Variants in GLS observed in about 807,000 individuals in gnomAD.
GLS encodes the protein glutaminase kidney isoform, mitochondrial.
Under a neutral mutation model 86.7 loss-of-function variants are expected in GLS, and 36 were observed. That is an observed-to-expected ratio of 0.42 (90% CI 0.32 to 0.55). The LOEUF is 0.55. Ranked by LOEUF, GLS falls within the 20% of genes least tolerant of loss-of-function variation. The pLI, the probability that GLS is intolerant of heterozygous loss-of-function variation, is 0.17. For synonymous variants in GLS, 317 were observed against 305.9 expected (o/e 1.04, Z -0.38); for missense variants, 528 against 833.4 (o/e 0.63, Z 4.51).
rs963103263 is a variant in GLS at position 190,956,203 on chromosome 2, A to G, written c.1853+1385A>G. Reference sequence around the variant, plus strand: ...GGTCATGAAGTCTTTGCCCATGCCTATGTCCTGAATGGTATTGCCTAGGTT... The same window carrying G: ...GGTCATGAAGTCTTTGCCCATGCCTGTGTCCTGAATGGTATTGCCTAGGTT... On this transcript the variant is annotated intron_variant, in intron 17 of 17. Transcript: ENST00000320717. This position sits in a 1 kb window ranked among gnomAD's most constrained non-coding sequence, Gnocchi z 4.2. 3.3e-5 allele frequency among the ~76,000 whole-genome samples: 5 copies of G among 152,254 alleles called. No homozygotes were observed. The highest frequency in any genetic ancestry group is 4.1e-4 in the South Asian group (2 of 4,826).
At chr2:190,915,054 C>T (rs1024812751) in intron 7 of GLS, among the ~76,000 whole-genome samples, 1 of 151,154 alleles carries the variant, frequency 6.6e-6, no homozygotes, top group Non-Finnish European at 1.5e-5. Context: ...TCTTGCTTGT[C>T]GCCCAGGCTG....
intron 17 of GLS, among the ~76,000 whole-genome samples, chr2:190,961,439 C>T (rs1393369572): frequency 6.6e-6 from 1 of 152,218 alleles, no homozygotes; most frequent in African/African-American, 2.4e-5. Flanking sequence ...TCAAGTGGTG[C>T]ACCCACCTTG....
intron 14 of GLS, among the ~76,000 whole-genome samples, chr2:190,944,755 T>TA (rs111422528): frequency 0.015 from 2,232 of 152,334 alleles, 56 homozygotes; most frequent in African/African-American, 0.049. Context: ...GTAACAGTCA[T>TA]ATTTGCTTTT....
chr2:190,929,060 A>G (rs1409947008), intron 12 of GLS, among the ~76,000 whole-genome samples: 1 of 151,564 alleles, frequency 6.6e-6, no homozygotes, highest in Non-Finnish European at 1.5e-5. Context: ...ATCTCGGCTC[A>G]CTGCAACCTC....
chr2:190,909,737 A>G (rs1273865458), intron 6 of GLS, among the ~76,000 whole-genome samples: 1 of 152,236 alleles, frequency 6.6e-6, no homozygotes, highest in Non-Finnish European at 1.5e-5. Flanking sequence ...GGAAATACAG[A>G]AAGCCTAAAA....
intron 7 of GLS, among the ~76,000 whole-genome samples, chr2:190,915,675 A>G (rs879593836): frequency 1.3e-5 from 2 of 152,108 alleles, no homozygotes; most frequent in African/African-American, 2.4e-5. Flanking sequence ...GTGTCCTCCT[A>G]TTTTCCAAAA....
chr2:190,894,518 G>A (rs1688664723), intron 1 of GLS, among the ~76,000 whole-genome samples: 1 of 152,104 alleles, frequency 6.6e-6, no homozygotes, highest in Non-Finnish European at 1.5e-5. Context: ...AATGTATTGA[G>A]TCAACTGATC....
At position 190,928,892 on chromosome 2, in the gene GLS, GTT is replaced by G. The variant is rs367999647; in HGVS notation, c.1425+1433_1425+1434del. Among the ~76,000 whole-genome samples the G allele has an allele frequency of 4.6e-3, 59 of 12,820 alleles. 1 individual carries two copies. The highest frequency in any genetic ancestry group is 0.01 in the African/African-American group (33 of 3,216). The allele number at this position is 12,820 out of a possible 152,430, so 8.4% of individuals were successfully genotyped here. ...AAATTTGTAGATCCAATTCAGGTGT[GTT>G]TTTTTTTTTTTTTTTTTTTTTTGGT... is the stretch of plus-strand genomic sequence containing the variant. On this transcript the variant is annotated intron_variant, in intron 12 of 17. Coordinates refer to ENST00000320717, the MANE Select transcript of GLS (RefSeq NM_014905.5).
intron 5 of GLS, among the ~76,000 whole-genome samples, chr2:190,903,068 T>C (rs1689004233): frequency 6.6e-6 from 1 of 152,254 alleles, no homozygotes; most frequent in African/African-American, 2.4e-5. Context: ...TGATCTTTTA[T>C]GTTGCCCAGG....
chr2:190,881,228 G>T lies in GLS; in HGVS notation c.144G>T (p.Pro48=), dbSNP rs1688153131. 1.6e-6 allele frequency: 2 copies of T among 1,246,778 alleles called. No individual in the cohort carries two copies. The highest frequency in any genetic ancestry group is 1.6e-5 in the African/African-American group (1 of 63,862). The allele number at this position is 1,246,778 out of a possible 1,614,324, so 77.2% of individuals were successfully genotyped here. A position where few individuals can be genotyped will look rare whatever the true frequency, so the allele number is the denominator to read the frequency against. The change falls in exon 1 of 18, where the codon CCG becomes CCT. Residue 48 remains proline (P), a synonymous_variant. Coordinates refer to ENST00000320717, the MANE Select transcript of GLS (RefSeq NM_014905.5). ...PRGGGRPAAG[P]AAAARLHPWW... ...GCGGGGGACGGCCGGCCGCGGGCCCGGCTGCCGCCGCGCGACTCCACCCGT... is the reference window on the plus strand; with the variant it reads ...GCGGGGGACGGCCGGCCGCGGGCCCTGCTGCCGCCGCGCGACTCCACCCGT...
At chr2:190,942,486 T>C (rs1401795976) in intron 14 of GLS, among the ~76,000 whole-genome samples, 1 of 152,118 alleles carries the variant, frequency 6.6e-6, no homozygotes, top group East Asian at 1.9e-4. Flanking sequence ...GGACTCGAGA[T>C]GTGTTGGTGG....
intron 12 of GLS, among the ~76,000 whole-genome samples, chr2:190,927,972 C>G (rs1465721523): frequency 1.3e-5 from 2 of 152,022 alleles, no homozygotes; most frequent in Non-Finnish European, 2.9e-5. Flanking sequence ...TTTCATTCTG[C>G]TCATGTCAAG....
chr2:190,945,431 C>T (rs1175972979), intron 14 of GLS, among the ~76,000 whole-genome samples: 1 of 151,794 alleles, frequency 6.6e-6, no homozygotes, highest in Non-Finnish European at 1.5e-5. Context: ...GGGAGGGTGT[C>T]AGGAGGATTG....
intron 9 of GLS, 43 bp from the exon 10 acceptor site, chr2:190,923,874 T>C: frequency 3.4e-6 from 4 of 1,186,524 alleles, no homozygotes; most frequent in Middle Eastern, 1.9e-4. Context: ...ATCACACTTT[T>C]AAAGAAAGTA....
intron 12 of GLS, among the ~76,000 whole-genome samples, chr2:190,929,717 A>G (rs781402302): frequency 5.3e-5 from 8 of 151,930 alleles, no homozygotes; most frequent in Non-Finnish European, 1.0e-4. Context: ...TGATCTGCCC[A>G]CCTCGGCCTC....
At position 190,965,226 on chromosome 2, in the gene GLS, A is replaced by ACAT. The variant is rs1461487125; in HGVS notation, c.*2241_*2243dup. The ACAT allele has an allele frequency of 4.6e-5, 7 of 152,570 alleles. No individual in the cohort carries two copies. The highest frequency in any genetic ancestry group is 1.0e-4 in the Non-Finnish European group (7 of 68,034). The allele number at this position is 152,570 out of a possible 1,614,324, so 9.5% of individuals were successfully genotyped here. On this transcript the variant is annotated 3_prime_UTR_variant, in exon 18 of 18. Transcript: ENST00000320717. This position sits in a 1 kb window ranked among gnomAD's most constrained non-coding sequence, Gnocchi z 5.0. ...ATCATGTTAATTTAAAGCTTTATAC[A>ACAT]CATTGTTGTTTTTGCTGGTCTCATC...
chr2:190,886,385 C>T (rs148051012), intron 1 of GLS, among the ~76,000 whole-genome samples: 8 of 152,250 alleles, frequency 5.3e-5, no homozygotes, highest in Admixed American at 3.9e-4. Context: ...GGGGTTTAGT[C>T]TCCTGGACTT....
At position 190,954,748 on chromosome 2, in the gene GLS, G is replaced by A. The variant is rs1459325233; in HGVS notation, c.1790-7G>A. On this transcript the variant is annotated splice_region_variant and splice_polypyrimidine_tract_variant and intron_variant, in intron 16 of 17. Coordinates refer to ENST00000320717, the MANE Select transcript of GLS (RefSeq NM_014905.5). This position sits in a 1 kb window ranked among gnomAD's most constrained non-coding sequence, Gnocchi z 4.0. Reference sequence around the variant, plus strand: ...TCTGCTCTTTTTTTGGGGGTGGGACGGTATAGGTCATGTTGAAGTTGTTAA... The same window carrying A: ...TCTGCTCTTTTTTTGGGGGTGGGACAGTATAGGTCATGTTGAAGTTGTTAA... 2 of 1,613,740 alleles carry A rather than the reference G, an allele frequency of 1.2e-6. No homozygotes were observed. The highest frequency in any genetic ancestry group is 2.2e-5 in the East Asian group (1 of 44,854).
Position 190,881,130 on chromosome 2 carries a change from C to T in GLS, c.46C>T (p.Arg16Trp), listed in dbSNP as rs776548974. 8 of 1,557,798 alleles carry T rather than the reference C, an allele frequency of 5.1e-6. No homozygotes were observed. Among genetic ancestry groups the T allele is most frequent in the Non-Finnish European group, 6.9e-6 (8 of 1,160,524 alleles). Reference sequence around the variant, plus strand: ...GGGGATGCTGCGGGACCTGCTCCTGCGGTCGCCCGCCGGCGTGAGCGCGAC... The same window carrying T: ...GGGGATGCTGCGGGACCTGCTCCTGTGGTCGCCCGCCGGCGTGAGCGCGAC... ...GSGMLRDLLLRSPAGVSATLR... is the reference protein window; with the variant it reads ...GSGMLRDLLLWSPAGVSATLR... The change falls in exon 1 of 18, where the codon CGG becomes TGG. Residue 16 changes from arginine (R) to tryptophan (W), a missense_variant. Arg to Trp is a moderately radical substitution (Grantham distance 101). Coordinates refer to ENST00000320717, the MANE Select transcript of GLS (RefSeq NM_014905.5).
Sources: gnomAD v4.1 joint callset for allele counts (sites outside exome capture counted in the v4.1 genomes callset) on GRCh38, gnomAD v4.1.1 for gene constraint, Gnocchi (gnomAD v3.1) non-coding constraint, MANE v1.5 for transcripts, NCBI Gene and HGNC (gene_info 2026-07-23, HGNC 2026-07-21) for gene names.